Variants in KCNJ10 observed in about 807,000 individuals in gnomAD.
KCNJ10 encodes the protein potassium inwardly rectifying channel subfamily J member 10, also known as ATP-sensitive inward rectifier potassium channel 10.
A neutral mutation model predicts 22.2 loss-of-function variants in KCNJ10; 9 were observed. That is an observed-to-expected ratio of 0.40 (90% CI 0.24 to 0.71). The LOEUF (loss-of-function observed/expected upper bound fraction) is 0.71, where lower values mean the gene tolerates loss of function less well. Ranked by LOEUF, KCNJ10 falls within the 30% of genes least tolerant of loss-of-function variation. The pLI is 0.35. For synonymous variants in KCNJ10, 184 were observed against 187.3 expected (o/e 0.98, Z 0.15); for missense variants, 337 against 482.7 (o/e 0.70, Z 2.83).
intron 1 of KCNJ10, among the ~76,000 whole-genome samples, chr1:160,051,260 T>C (rs1221595317): frequency 1.3e-5 from 2 of 152,130 alleles, no homozygotes; most frequent in Non-Finnish European, 2.9e-5. Flanking sequence ...CACTAGATGA[T>C]TTCTGTTTTT....
chr1:160,048,137 A>G (rs149433473), intron 1 of KCNJ10, among the ~76,000 whole-genome samples: 32 of 150,700 alleles, frequency 2.1e-4, no homozygotes, highest in South Asian at 1.3e-3. Context: ...AAGACCACTG[A>G]CTCTGCCTTT....
chr1:160,060,491 G>A (rs1474659269), intron 1 of KCNJ10, among the ~76,000 whole-genome samples: 1 of 152,182 alleles, frequency 6.6e-6, no homozygotes, highest in Non-Finnish European at 1.5e-5. Context: ...TGAGGGGAAA[G>A]GAGAAGGAGT....
intron 1 of KCNJ10, among the ~76,000 whole-genome samples, chr1:160,046,743 A>T (rs1648749938): frequency 6.6e-6 from 1 of 152,188 alleles, no homozygotes; most frequent in South Asian, 2.1e-4. Context: ...ACAATCAGCT[A>T]CACTCCACCC....
intron 1 of KCNJ10, among the ~76,000 whole-genome samples, chr1:160,061,086 C>G (rs1409296179): frequency 6.6e-6 from 1 of 152,168 alleles, no homozygotes. Flanking sequence ...TTCTCCCCAC[C>G]CCTTCCCCTC....
rs57790887 is a variant in KCNJ10, at chr1:160,049,675, TTATATATATATATATATATA to T, written c.1-7163_1-7144del. On this transcript the variant is annotated intron_variant, in intron 1 of 1. Coordinates refer to ENST00000644903, the MANE Select transcript of KCNJ10 (RefSeq NM_002241.5). ...AAGAAGGATCCAGCATTTTATTTATTTATATATATATATATATATATATATATATATATATATATATATAT... is the reference window on the plus strand; with the variant it reads ...AAGAAGGATCCAGCATTTTATTTATTTATATATATATATATATATATATAT... Among the ~76,000 whole-genome samples, 12 of 47,114 alleles carry T rather than the reference TTATATATATATATATATATA, an allele frequency of 2.5e-4. 1 individual carries two copies. Among genetic ancestry groups the T allele is most frequent in the South Asian group, 1.8e-3 (2 of 1,130 alleles). The allele number at this position is 47,114 out of a possible 152,430, so 30.9% of individuals were successfully genotyped here. A position where few individuals can be genotyped will look rare whatever the true frequency, so the allele number is the denominator to read the frequency against.
intron 1 of KCNJ10, among the ~76,000 whole-genome samples, chr1:160,060,146 C>T (rs1438810433): frequency 6.6e-6 from 1 of 152,060 alleles, no homozygotes; most frequent in Non-Finnish European, 1.5e-5. Context: ...CTCTCTGCCC[C>T]CTCTCAACTT....
At chr1:160,049,683 A>ATATATATATATATATATATATATATATT (rs1557970367) in intron 1 of KCNJ10, among the ~76,000 whole-genome samples, 20 of 88,232 alleles carry the variant, frequency 2.3e-4, no homozygotes, top group African/African-American at 7.1e-4. Context: ...ATTTATATAT[A>ATATATATATATATATATATATATATATT]TATATATATA....
intron 1 of KCNJ10, among the ~76,000 whole-genome samples, chr1:160,049,687 A>ATATATATATATATATATATT (rs1648846162): frequency 2.9e-5 from 3 of 104,112 alleles, no homozygotes; most frequent in African/African-American, 1.3e-4. Context: ...ATATATATAT[A>ATATATATATATATATATATT]TATATATATA....
intron 1 of KCNJ10, chr1:160,064,641 T>G (rs1649274450): frequency 1.3e-5 from 2 of 152,232 alleles, no homozygotes; most frequent in Admixed American, 1.3e-4. Flanking sequence ...GAATGTAAAG[T>G]GGTCCTGAGG....
chr1:160,047,553 C>T (rs1400159953), intron 1 of KCNJ10, among the ~76,000 whole-genome samples: 1 of 152,212 alleles, frequency 6.6e-6, no homozygotes, highest in Non-Finnish European at 1.5e-5. Context: ...TGCTTCTGCA[C>T]TGCCCTGCTC....
Position 160,040,323 on chromosome 1 carries a change from T to C in KCNJ10, c.*1070A>G, listed in dbSNP as rs1648573086. 1 of 385,282 alleles carries C rather than the reference T, an allele frequency of 2.6e-6. No homozygotes were observed. The highest frequency in any genetic ancestry group is 4.6e-6 in the Non-Finnish European group (1 of 218,394). 23.9% of individuals were successfully genotyped at this position (385,282 alleles called of 1,614,324 possible). A position where few individuals can be genotyped will look rare whatever the true frequency, so the allele number is the denominator to read the frequency against. ...TCATGGTGGGATTGTGTTAACTTTC[T>C]GGGGAATCTGTGCCCTGTGAATCTA... On this transcript the variant is annotated 3_prime_UTR_variant, in exon 2 of 2. Transcript: ENST00000644903.
At chr1:160,066,628 G>A (rs1649328145) in intron 1 of KCNJ10, among the ~76,000 whole-genome samples, 1 of 152,116 alleles carries the variant, frequency 6.6e-6, no homozygotes, top group Admixed American at 6.5e-5. Context: ...GGTAAACCAG[G>A]ACCGAATCCC....
At position 160,041,472 on chromosome 1, in the gene KCNJ10, T is replaced by C. The variant is rs142596580; in HGVS notation, c.1061A>G (p.Lys354Arg). Residue 354 changes from lysine (K) to arginine (R), a missense_variant, in exon 2 of 2, where the codon AAG (lysine) becomes AGG (arginine). Lys to Arg is a conservative substitution (Grantham distance 26). Coordinates refer to ENST00000644903, the MANE Select transcript of KCNJ10 (RefSeq NM_002241.5). The surrounding 1 kb of genome is among the most constrained non-coding windows in gnomAD (Gnocchi z 4.4). ...CCTTAATGACTCCTCCAACTTGAGC[T>C]TTTCAGGGTCTCCGTAGCGTACAGT... Reference protein sequence around the residue: ...DSTVRYGDPEKLKLEESLREQ... With the variant: ...DSTVRYGDPERLKLEESLREQ... 708 of 1,614,010 alleles carry C rather than the reference T, an allele frequency of 4.4e-4. No individual in the cohort carries two copies. Among genetic ancestry groups the C allele is most frequent in the Non-Finnish European group, 5.7e-4 (677 of 1,180,014 alleles).
intron 1 of KCNJ10, among the ~76,000 whole-genome samples, chr1:160,047,956 G>T (rs1366458211): frequency 1.3e-5 from 2 of 152,208 alleles, no homozygotes; most frequent in African/African-American, 4.8e-5. Flanking sequence ...GCCCAGGCTG[G>T]TCTCAAACTC....
intron 1 of KCNJ10, among the ~76,000 whole-genome samples, chr1:160,064,235 G>T (rs1649264022): frequency 6.6e-6 from 1 of 152,176 alleles, no homozygotes; most frequent in South Asian, 2.1e-4. Context: ...CCTTTCGGAG[G>T]CTCTACAAAG....
chr1:160,060,986 C>T (rs1649177104), intron 1 of KCNJ10, among the ~76,000 whole-genome samples: 2 of 152,086 alleles, frequency 1.3e-5, no homozygotes, highest in Non-Finnish European at 2.9e-5. Flanking sequence ...GAGGTAGGCT[C>T]ACTCTGCCTA....
At chr1:160,045,161 G>A (rs1255643917) in intron 1 of KCNJ10, among the ~76,000 whole-genome samples, 1 of 152,196 alleles carries the variant, frequency 6.6e-6, no homozygotes, top group Non-Finnish European at 1.5e-5. Flanking sequence ...GAAAAATGAA[G>A]AGAATGCTAA....
In KCNJ10 at chr1:160,041,260, C is replaced by T. The variant is rs1648592769; in HGVS notation, c.*133G>A. 2.2e-6 allele frequency: 2 copies of T among 925,030 alleles called. No individual in the cohort carries two copies. 57.3% of individuals were successfully genotyped at this position (925,030 alleles called of 1,614,324 possible). A position where few individuals can be genotyped will look rare whatever the true frequency, so the allele number is the denominator to read the frequency against. ...CCAGTTGGCCTAAGCTACCAACAGG[C>T]CACTGGGTTAAAGAAGAGGGAGTGG... On this transcript the variant is annotated 3_prime_UTR_variant, in exon 2 of 2. Transcript: ENST00000644903. The surrounding 1 kb of genome is among the most constrained non-coding windows in gnomAD (Gnocchi z 4.4).
chr1:160,043,898 A>C (rs1020573643), intron 1 of KCNJ10, among the ~76,000 whole-genome samples: 13 of 152,214 alleles, frequency 8.5e-5, no homozygotes, highest in Admixed American at 2.6e-4. Context: ...TGGACCCTGG[A>C]TCTGATAGCC....
Sources: gnomAD v4.1 joint callset for allele counts (sites outside exome capture counted in the v4.1 genomes callset) on GRCh38, gnomAD v4.1.1 for gene constraint, Gnocchi (gnomAD v3.1) non-coding constraint, MANE v1.5 for transcripts, NCBI Gene and HGNC (gene_info 2026-07-23, HGNC 2026-07-21) for gene names.